HSD17B2: variants seen among roughly 807,000 people sequenced by gnomAD.
HSD17B2 encodes the protein hydroxysteroid 17-beta dehydrogenase 2.
Under a neutral mutation model 26.9 loss-of-function variants are expected in HSD17B2, and 32 were observed. That is an observed-to-expected ratio of 1.19 (90% CI 0.90 to 1.60). HSD17B2 has a LOEUF of 1.60. Ranked by LOEUF, HSD17B2 falls within the 40% of genes most tolerant of loss-of-function variation. The pLI is 0.00. For synonymous variants in HSD17B2, 246 were observed against 186.7 expected (o/e 1.32, Z -2.59); for missense variants, 613 against 468.6 (o/e 1.31, Z -2.85).
At chr16:82,052,725 C>T (rs977687809) in intron 1 of HSD17B2, among the ~76,000 whole-genome samples, 1 of 152,146 alleles carries the variant, frequency 6.6e-6, no homozygotes, top group Admixed American at 6.5e-5. Context: ...TTAGCTTGGG[C>T]AGTGTTGGGC....
chr16:82,063,748 G>T (rs1174120451), intron 1 of HSD17B2, among the ~76,000 whole-genome samples: 1 of 152,196 alleles, frequency 6.6e-6, no homozygotes, highest in African/African-American at 2.4e-5. Flanking sequence ...TCAGACAGTG[G>T]TTGAGGGCTG....
intron 4 of HSD17B2, chr16:82,097,128 G>A (rs1007537965): frequency 2.6e-5 from 4 of 151,594 alleles, no homozygotes; most frequent in East Asian, 1.9e-4. Context: ...TCGTGGGCTC[G>A]AGGGGTCCTC....
At chr16:82,051,061 C>T (rs1258940713) in intron 1 of HSD17B2, among the ~76,000 whole-genome samples, 1 of 152,206 alleles carries the variant, frequency 6.6e-6, no homozygotes, top group Non-Finnish European at 1.5e-5. Flanking sequence ...ATTCTCTGTT[C>T]TCCAGGCTTT....
Position 82,068,292 on chromosome 16 carries a change from C to G in HSD17B2, c.388C>G (p.Pro130Ala), listed in dbSNP as rs561464950. 6.2e-7 allele frequency: 1 copy of G among 1,614,108 alleles called. No individual in the cohort carries two copies. Among genetic ancestry groups the G allele is most frequent in the African/African-American group, 1.3e-5 (1 of 75,028 alleles). The change falls in exon 2 of 5, where the codon CCG becomes GCG. Residue 130 changes from proline to alanine, a missense_variant. Pro to Ala is a conservative substitution (Grantham distance 27). Coordinates refer to ENST00000199936, the MANE Select transcript of HSD17B2 (RefSeq NM_002153.3). ...GAEELRRTCS[P>A]RLSVLQMDIT... The stretch of plus-strand genomic sequence containing the variant: ...TGAGGAATTGCGAAGAACCTGCTCT[C>G]CGCGCCTCTCGGTGCTCCAAATGGA...
At chr16:82,061,888 A>C (rs966191160) in intron 1 of HSD17B2, among the ~76,000 whole-genome samples, 1 of 152,224 alleles carries the variant, frequency 6.6e-6, no homozygotes, top group African/African-American at 2.4e-5. Context: ...TAGCTTCCAA[A>C]GGACAGTGCT....
At chr16:82,045,121 CAAAAAAAAAAAAAA>C (rs10565056) in intron 1 of HSD17B2, among the ~76,000 whole-genome samples, 1 of 42,796 alleles carries the variant, frequency 2.3e-5, no homozygotes, top group South Asian at 9.7e-4. Context: ...AAACTCTGTC[CAAAAAAAAAAAAAA>C]AAAAAAAAGA....
At chr16:82,041,922 G>T (rs1323495215) in intron 1 of HSD17B2, among the ~76,000 whole-genome samples, 1 of 151,752 alleles carries the variant, frequency 6.6e-6, no homozygotes, top group Non-Finnish European at 1.5e-5. Flanking sequence ...ATTTTAGCCT[G>T]AAACTTTAAA....
intron 3 of HSD17B2, among the ~76,000 whole-genome samples, chr16:82,072,345 T>A (rs1914716798): frequency 6.6e-6 from 1 of 152,204 alleles, no homozygotes; most frequent in African/African-American, 2.4e-5. Context: ...CCAAAGCAAA[T>A]GAATCCTGAG....
intron 3 of HSD17B2, chr16:82,071,470 C>T (rs1285277232): frequency 2.6e-6 from 1 of 379,500 alleles, no homozygotes; most frequent in Non-Finnish European, 5.0e-6. Flanking sequence ...AACCTGTTTT[C>T]AACACTTCGT....
intron 4 of HSD17B2, chr16:82,096,972 G>A (rs1904856985): frequency 6.6e-6 from 1 of 151,774 alleles, no homozygotes. Flanking sequence ...TGGGCTGAAA[G>A]GAGAGATTTT....
rs73603095 is a variant in HSD17B2, at chr16:82,078,227, A to G, written c.664+7100A>G. Among the ~76,000 whole-genome samples, 1,230 of 152,356 alleles carry G rather than the reference A, an allele frequency of 8.1e-3. 20 individuals carry two copies. The highest frequency in any genetic ancestry group is 0.028 in the African/African-American group (1,174 of 41,590). ...CATTTAAAATGTACAAAAGATCTGA[A>G]TAGGCATTTCTCAAAAGAAGATAAG... On this transcript the variant is annotated intron_variant, in intron 3 of 4. Coordinates refer to ENST00000199936, the MANE Select transcript of HSD17B2 (RefSeq NM_002153.3).
intron 1 of HSD17B2, among the ~76,000 whole-genome samples, chr16:82,055,103 TG>T (rs556907170): frequency 1.3e-5 from 2 of 152,176 alleles, no homozygotes; most frequent in Non-Finnish European, 1.5e-5. Context: ...AAATGTTCCC[TG>T]GGGGGGAACT....
intron 1 of HSD17B2, among the ~76,000 whole-genome samples, chr16:82,051,408 C>G (rs1007669763): frequency 6.6e-6 from 1 of 152,130 alleles, no homozygotes; most frequent in Non-Finnish European, 1.5e-5. Context: ...GAGATAATGC[C>G]CCTTGCAGAG....
chr16:82,064,162 G>A (rs72628278), intron 1 of HSD17B2, among the ~76,000 whole-genome samples: 1,527 of 152,222 alleles, frequency 0.01, 38 homozygotes, highest in East Asian at 0.083. Flanking sequence ...CAGATCCTAG[G>A]CTCATGAAGC....
chr16:82,096,708 A>G (rs901442856), intron 4 of HSD17B2: 1 of 152,204 alleles, frequency 6.6e-6, no homozygotes, highest in Non-Finnish European at 1.5e-5. Context: ...GCATTTCTAA[A>G]GGCCCAGTTG....
intron 3 of HSD17B2, among the ~76,000 whole-genome samples, chr16:82,081,987 A>G (rs896434054): frequency 6.6e-6 from 1 of 152,166 alleles, no homozygotes; most frequent in African/African-American, 2.4e-5. Context: ...CAGCAACCTA[A>G]CGCAGGAACA....
chr16:82,061,960 A>T (rs1279725176), intron 1 of HSD17B2, among the ~76,000 whole-genome samples: 8 of 152,194 alleles, frequency 5.3e-5, no homozygotes, highest in African/African-American at 1.9e-4. Flanking sequence ...GATGCGTTTT[A>T]TTCAAGAGGC....
intron 3 of HSD17B2, among the ~76,000 whole-genome samples, chr16:82,082,945 C>A (rs2142360548): frequency 6.6e-6 from 1 of 152,278 alleles, no homozygotes; most frequent in African/African-American, 2.4e-5. Flanking sequence ...GTTTCATGTT[C>A]TGACTCACCA....
chr16:82,062,654 T>G (rs2143965441), intron 1 of HSD17B2, among the ~76,000 whole-genome samples: 1 of 152,360 alleles, frequency 6.6e-6, no homozygotes, highest in African/African-American at 2.4e-5. Context: ...TAACATTACT[T>G]ACCCCCCAGG....
Sources: gnomAD v4.1 joint callset for allele counts (sites outside exome capture counted in the v4.1 genomes callset) on GRCh38, gnomAD v4.1.1 for gene constraint, MANE v1.5 for transcripts, NCBI Gene and HGNC (gene_info 2026-07-23, HGNC 2026-07-21) for gene names.